Variants in DCAF17 observed in about 807,000 individuals in gnomAD.
DCAF17 encodes DDB1 and CUL4 associated factor 17, also known as DDB1- and CUL4-associated factor 17.
Under a neutral mutation model 66.0 loss-of-function variants are expected in DCAF17, and 48 were observed. The ratio of observed to expected loss-of-function variants is 0.73; its 90% CI spans 0.58 to 0.92. The LOEUF (loss-of-function observed/expected upper bound fraction) is 0.92, where lower values mean the gene tolerates loss of function less well. Among genes scored for constraint, DCAF17 ranks in the 40% least tolerant of loss-of-function variants. The probability of loss-of-function intolerance (pLI) is 0.00; values close to 1 mark genes in which losing one functional copy is unlikely to be tolerated. For synonymous variants in DCAF17, 206 were observed against 214.6 expected, an observed-to-expected ratio of 0.96 and a Z score of 0.35; for missense variants, 562 against 622.8, an observed-to-expected ratio of 0.90 and a Z score of 1.04.
intron 3 of DCAF17, among the ~76,000 whole-genome samples, chr2:171,448,206 A>T (rs956833181): frequency 3.9e-5 from 6 of 152,054 alleles, no homozygotes; most frequent in African/African-American, 1.2e-4. Flanking sequence ...GTCATCACTC[A>T]CTGCAGCCTT....
chr2:171,454,981 T>A (rs1475076976), intron 6 of DCAF17, among the ~76,000 whole-genome samples: 1 of 152,098 alleles, frequency 6.6e-6, no homozygotes, highest in African/African-American at 2.4e-5. Flanking sequence ...CTTTTTTTTT[T>A]AACTTCTAAG....
chr2:171,475,385 A>G (rs1696448951), intron 10 of DCAF17, among the ~76,000 whole-genome samples: 2 of 152,336 alleles, frequency 1.3e-5, no homozygotes, highest in South Asian at 4.1e-4. Context: ...CTATGATGAC[A>G]GGGAAAGAGT....
At chr2:171,444,184 T>C (rs1387338236) in intron 3 of DCAF17, among the ~76,000 whole-genome samples, 1 of 152,164 alleles carries the variant, frequency 6.6e-6, no homozygotes, top group East Asian at 1.9e-4. Flanking sequence ...ACATATCTAT[T>C]GATAGAATTA....
rs936514333 is a variant in DCAF17, at chr2:171,481,783, A to C, written c.*669A>C. On this transcript the variant is annotated 3_prime_UTR_variant, in exon 14 of 14. Coordinates refer to ENST00000375255, the MANE Select transcript of DCAF17 (RefSeq NM_025000.4). ...TTTGTGTTTCTATATAGGCTAATGTAAAAGATTCCAAGCAAACCTTAAGTG... is the reference window on the plus strand; with the variant it reads ...TTTGTGTTTCTATATAGGCTAATGTCAAAGATTCCAAGCAAACCTTAAGTG... The C allele has an allele frequency of 2.2e-6, 1 of 453,544 alleles. No individual in the cohort carries two copies. Among genetic ancestry groups the C allele is most frequent in the Admixed American group, 2.4e-5 (1 of 42,494 alleles). The allele number at this position is 453,544 out of a possible 1,614,324, so 28.1% of individuals were successfully genotyped here. A position where few individuals can be genotyped will look rare whatever the true frequency, so the allele number is the denominator to read the frequency against.
rs1394880831 is a variant in DCAF17, at chr2:171,481,748, A to G, written c.*634A>G. On this transcript the variant is annotated 3_prime_UTR_variant, in exon 14 of 14. Coordinates refer to ENST00000375255, the MANE Select transcript of DCAF17 (RefSeq NM_025000.4). ...GTTTTGTTCTCTTGGCTTGATGTTC[A>G]CATTGAATATTTGTGTTTCTATATA... 2 of 453,742 alleles carry G rather than the reference A, an allele frequency of 4.4e-6. No homozygotes were observed. The highest frequency in any genetic ancestry group is 3.1e-5 in the South Asian group (2 of 64,350). The allele number at this position is 453,742 out of a possible 1,614,324, so 28.1% of individuals were successfully genotyped here. A position where few individuals can be genotyped will look rare whatever the true frequency, so the allele number is the denominator to read the frequency against.
At chr2:171,480,824 C>A in intron 13 of DCAF17, 150 bp from the exon 14 acceptor site, 1 of 975,168 alleles carries the variant, frequency 1.0e-6, no homozygotes, top group Non-Finnish European at 1.6e-6. Flanking sequence ...TGCATATCCA[C>A]AAATAATGAA....
At chr2:171,441,687 G>A (rs529296010) in intron 2 of DCAF17, among the ~76,000 whole-genome samples, 37 of 152,354 alleles carry the variant, frequency 2.4e-4, no homozygotes, top group South Asian at 1.9e-3. Context: ...TTTCCATCTT[G>A]CTGAGCTGGG....
chr2:171,472,543 T>A (rs927909179), intron 9 of DCAF17, among the ~76,000 whole-genome samples: 1 of 152,230 alleles, frequency 6.6e-6, no homozygotes, highest in African/African-American at 2.4e-5. Flanking sequence ...ACTTATCCTT[T>A]AAGGCTCATT....
chr2:171,450,272 T>C (rs1009944612), intron 5 of DCAF17, among the ~76,000 whole-genome samples: 3 of 152,130 alleles, frequency 2.0e-5, no homozygotes, highest in African/African-American at 7.2e-5. Flanking sequence ...CACTACACAT[T>C]GGGTATAGTG....
intron 3 of DCAF17, among the ~76,000 whole-genome samples, chr2:171,446,371 C>A (rs563067231): frequency 6.6e-6 from 1 of 152,006 alleles, no homozygotes; most frequent in Admixed American, 6.6e-5. Flanking sequence ...CATAGTGAAA[C>A]CCCGTCTCTA....
intron 2 of DCAF17, among the ~76,000 whole-genome samples, chr2:171,437,290 A>ATT (rs527797321): frequency 6.6e-6 from 1 of 151,824 alleles, no homozygotes; most frequent in African/African-American, 2.4e-5. Context: ...ATCCAACTCC[A>ATT]TTTTTTTTAA....
chr2:171,446,064 G>T (rs1694604016), intron 3 of DCAF17, among the ~76,000 whole-genome samples: 1 of 151,994 alleles, frequency 6.6e-6, no homozygotes, highest in Non-Finnish European at 1.5e-5. Flanking sequence ...CCTGAATCCA[G>T]TGTAAGACTT....
In DCAF17 at chr2:171,483,854, T is replaced by A. The variant is rs1289781040; in HGVS notation, c.*2740T>A. ...GTCCCACAACTAGTCAGTGCAGAGG[T>A]GGGAAACATAACCAGATTTGTTCGG... is the stretch of plus-strand genomic sequence containing the variant. On this transcript the variant is annotated 3_prime_UTR_variant, in exon 14 of 14. Coordinates refer to ENST00000375255, the MANE Select transcript of DCAF17 (RefSeq NM_025000.4). The A allele has an allele frequency of 2.2e-6, 1 of 453,900 alleles. No homozygotes were observed. The highest frequency in any genetic ancestry group is 2.0e-5 in the African/African-American group (1 of 49,978). 28.1% of individuals were successfully genotyped at this position (453,900 alleles called of 1,614,324 possible).
At position 171,483,575 on chromosome 2, in the gene DCAF17, A is replaced by T. The variant is rs1230264730; in HGVS notation, c.*2461A>T. On this transcript the variant is annotated 3_prime_UTR_variant, in exon 14 of 14. Transcript: ENST00000375255. ...TTACTATTTGTGCTACCTAGTGAGG[A>T]GATACCGCTCTGTTTAGACAAATTA... 3 of 454,134 alleles carry T rather than the reference A, an allele frequency of 6.6e-6. No individual in the cohort carries two copies. The highest frequency in any genetic ancestry group is 1.3e-5 in the Non-Finnish European group (3 of 226,792). 28.1% of individuals were successfully genotyped at this position (454,134 alleles called of 1,614,324 possible).
chr2:171,434,835 G>T, intron 1 of DCAF17, 132 bp downstream of exon 1: 1 of 1,360,270 alleles, frequency 7.4e-7, no homozygotes, highest in Non-Finnish European at 9.6e-7. Context: ...GAGGATACAA[G>T]CCCGGAATCT....
At position 171,448,812 on chromosome 2, in the gene DCAF17, A is replaced by G. The variant is rs1031706348; in HGVS notation, c.453A>G (p.Lys151=). ...AAATATATCTTGCACCTTATTGCAA[A>G]TTCAGGTATTTACTGTGAATTTATT... The part of the protein sequence containing the change: ...LEKIYLAPYC[K]FRYLSWDTPQ... Residue 151 remains lysine (K), a synonymous_variant, in exon 4 of 14, where the codon AAA becomes AAG. Coordinates refer to ENST00000375255, the MANE Select transcript of DCAF17 (RefSeq NM_025000.4). 6.2e-7 allele frequency: 1 copy of G among 1,612,262 alleles called. No homozygotes were observed. The highest frequency in any genetic ancestry group is 1.3e-5 in the African/African-American group (1 of 74,892).
intron 8 of DCAF17, among the ~76,000 whole-genome samples, chr2:171,466,904 A>T (rs1308211259): frequency 6.6e-6 from 1 of 151,858 alleles, no homozygotes. Context: ...CCATATCATC[A>T]CATACAATGT....
intron 11 of DCAF17, 47 bp from the exon 12 acceptor site, chr2:171,477,940 C>CATGTA (rs752272195): frequency 6.7e-7 from 1 of 1,500,674 alleles, no homozygotes; most frequent in Admixed American, 1.7e-5. Context: ...CCTTTGACTG[C>CATGTA]ATGTAATAGA....
At chr2:171,469,981 T>C (rs1291509124) in intron 9 of DCAF17, among the ~76,000 whole-genome samples, 4 of 152,110 alleles carry the variant, frequency 2.6e-5, no homozygotes, top group African/African-American at 9.7e-5. Flanking sequence ...GTTGATATTT[T>C]TTCTCATTTC....
Sources: allele counts gnomAD v4.1 joint callset (sites outside exome capture counted in the v4.1 genomes callset), GRCh38; gene constraint gnomAD v4.1.1; transcripts MANE v1.5; gene names NCBI Gene and HGNC (gene_info 2026-07-23, HGNC 2026-07-21).